MARCHF1: variants seen among roughly 807,000 people sequenced by gnomAD.
MARCHF1 encodes the protein E3 ubiquitin-protein ligase MARCHF1.
In MARCHF1, 40 loss-of-function variants were observed where a neutral mutation model predicts 54.2. That is an observed-to-expected ratio of 0.74 (90% CI 0.57 to 0.96). The LOEUF (loss-of-function observed/expected upper bound fraction) is 0.96. MARCHF1 is among the 40% of genes least tolerant of loss of function. MARCHF1 has a pLI of 0.00. For missense variants in MARCHF1, 586 were observed against 656.5 expected, an observed-to-expected ratio of 0.89 and a Z score of 1.17; for synonymous variants, 236 against 236.3, an observed-to-expected ratio of 1.00 and a Z score of 0.01.
rs79365782 is a variant in MARCHF1, at chr4:163,725,305, A to T, written c.112-24442T>A. 7.6e-3 allele frequency among the ~76,000 whole-genome samples: 1,150 copies of T among 152,188 alleles called. 8 individuals are homozygous for T. The highest frequency in any genetic ancestry group is 0.022 in the South Asian group (104 of 4,820). On this transcript the variant is annotated intron_variant, in intron 4 of 9. Transcript: ENST00000514618. ...AGTGTGGGCAACATGGTGAAACCCCATCTCCACAAAAAATACAAAAAAGTT... is the reference window on the plus strand; with the variant it reads ...AGTGTGGGCAACATGGTGAAACCCCTTCTCCACAAAAAATACAAAAAAGTT...
chr4:163,829,768 T>C (rs975977308), intron 4 of MARCHF1, among the ~76,000 whole-genome samples: 1 of 152,230 alleles, frequency 6.6e-6, no homozygotes, highest in Non-Finnish European at 1.5e-5. Context: ...AGATTTTTCT[T>C]CACAGTTCTG....
At chr4:164,096,655 A>G (rs1002545323) in intron 2 of MARCHF1, among the ~76,000 whole-genome samples, 14 of 152,142 alleles carry the variant, frequency 9.2e-5, no homozygotes, top group African/African-American at 3.1e-4. Context: ...CACAAAGTAA[A>G]AAGAATCAAA....
chr4:163,737,210 T>C (rs1192477904), intron 4 of MARCHF1, among the ~76,000 whole-genome samples: 1 of 50,042 alleles, frequency 2.0e-5, no homozygotes, highest in Non-Finnish European at 6.5e-5. Flanking sequence ...ATTTATTTTT[T>C]TTAATTTTTT....
At chr4:163,650,543 A>G (rs1206688527) in intron 5 of MARCHF1, among the ~76,000 whole-genome samples, 1 of 151,974 alleles carries the variant, frequency 6.6e-6, no homozygotes, top group Non-Finnish European at 1.5e-5. Flanking sequence ...CTTATATTAA[A>G]TCAGGTGTAA....
chr4:164,201,945 G>C (rs758750709), intron 1 of MARCHF1, among the ~76,000 whole-genome samples: 1 of 152,094 alleles, frequency 6.6e-6, no homozygotes, highest in Non-Finnish European at 1.5e-5. Flanking sequence ...CAATGAAATA[G>C]ATACTTTATG....
intron 1 of MARCHF1, chr4:164,188,712 T>C: frequency 9.4e-7 from 1 of 1,065,888 alleles, no homozygotes; most frequent in South Asian, 1.2e-5. Context: ...CAGCAGGACA[T>C]CAAGTTCTTG....
At position 163,525,326 on chromosome 4, in the gene MARCHF1, C is replaced by G. The variant is rs184144880; in HGVS notation, c.*3422G>C. ...AAAACAAGATAAAAAACCATGAGGT[C>G]GTCTGTCTGGGACTATAATCACGTG... On this transcript the variant is annotated 3_prime_UTR_variant, in exon 10 of 10. Coordinates refer to ENST00000514618, the MANE Select transcript of MARCHF1 (RefSeq NM_001394959.1). The G allele has an allele frequency of 6.6e-6, 1 of 152,144 alleles. No homozygotes were observed. Among genetic ancestry groups the G allele is most frequent in the African/African-American group, 2.4e-5 (1 of 41,522 alleles). 9.4% of individuals were successfully genotyped at this position (152,144 alleles called of 1,614,324 possible). A position where few individuals can be genotyped will look rare whatever the true frequency, so the allele number is the denominator to read the frequency against.
intron 2 of MARCHF1, among the ~76,000 whole-genome samples, chr4:164,059,709 A>AT (rs948243347): frequency 5.9e-5 from 9 of 152,112 alleles, no homozygotes; most frequent in African/African-American, 1.4e-4. Flanking sequence ...GATGCTGGGT[A>AT]TTTTTTTAAA....
chr4:163,989,780 T>C (rs1405351586), intron 2 of MARCHF1, among the ~76,000 whole-genome samples: 1 of 152,242 alleles, frequency 6.6e-6, no homozygotes, highest in Non-Finnish European at 1.5e-5. Flanking sequence ...GAATTTTCTT[T>C]TCTCATTTTG....
chr4:163,595,030 G>C (rs7682869), intron 7 of MARCHF1, among the ~76,000 whole-genome samples: 3,901 of 152,178 alleles, frequency 0.026, 160 homozygotes, highest in African/African-American at 0.088. Context: ...CAAGAGTGAA[G>C]CTACGGAAAC....
intron 7 of MARCHF1, among the ~76,000 whole-genome samples, chr4:163,601,001 G>A (rs1183724919): frequency 6.6e-6 from 1 of 152,184 alleles, no homozygotes; most frequent in African/African-American, 2.4e-5. Flanking sequence ...ATACTGTGCT[G>A]TGTTTAGGGC....
chr4:163,851,425 A>G (rs79365772), intron 4 of MARCHF1, among the ~76,000 whole-genome samples: 2,307 of 152,204 alleles, frequency 0.015, 57 homozygotes, highest in African/African-American at 0.052. Flanking sequence ...CCCTTTTCCT[A>G]TGCTTCTCTT....
intron 3 of MARCHF1, among the ~76,000 whole-genome samples, chr4:163,886,203 C>A (rs1005746365): frequency 6.7e-6 from 1 of 148,718 alleles, no homozygotes; most frequent in Admixed American, 6.7e-5. Flanking sequence ...AGATCTATCT[C>A]TCAATATATA....
intron 1 of MARCHF1, among the ~76,000 whole-genome samples, chr4:164,340,239 T>C (rs1729873689): frequency 7.1e-6 from 1 of 140,978 alleles, no homozygotes; most frequent in Non-Finnish European, 1.6e-5. Flanking sequence ...CTCATTTTTC[T>C]TTTTTTTTTT....
intron 3 of MARCHF1, among the ~76,000 whole-genome samples, chr4:163,987,177 G>T (rs970295791): frequency 1.7e-4 from 26 of 152,152 alleles, no homozygotes; most frequent in African/African-American, 5.8e-4. Context: ...AAAGGAAACA[G>T]ACACTCTAGA....
At chr4:163,852,846 C>G in intron 4 of MARCHF1, among the ~76,000 whole-genome samples, 1 of 152,118 alleles carries the variant, frequency 6.6e-6, no homozygotes, top group Non-Finnish European at 1.5e-5. Flanking sequence ...AAATCCTAAC[C>G]CCCAAGGTGA....
At chr4:163,684,733 C>G (rs1561018073) in intron 5 of MARCHF1, among the ~76,000 whole-genome samples, 1 of 152,220 alleles carries the variant, frequency 6.6e-6, no homozygotes, top group Non-Finnish European at 1.5e-5. Context: ...CTCCTCCAAT[C>G]TATCCTATAT....
chr4:163,797,709 A>T (rs764943588), intron 4 of MARCHF1, among the ~76,000 whole-genome samples: 16 of 152,080 alleles, frequency 1.1e-4, no homozygotes, highest in Non-Finnish European at 2.1e-4. Flanking sequence ...ATTTATTTCT[A>T]GAGTTTCATT....
At chr4:164,294,095 T>G (rs1734352313) in intron 1 of MARCHF1, among the ~76,000 whole-genome samples, 1 of 151,918 alleles carries the variant, frequency 6.6e-6, no homozygotes, top group Non-Finnish European at 1.5e-5. Context: ...CCCTCGACAT[T>G]GGACTCCAAT....
Sources: gnomAD v4.1 joint callset for allele counts (sites outside exome capture counted in the v4.1 genomes callset) on GRCh38, gnomAD v4.1.1 for gene constraint, MANE v1.5 for transcripts, NCBI Gene and HGNC (gene_info 2026-07-23, HGNC 2026-07-21) for gene names.